SMG6: variants seen among roughly 807,000 people sequenced by gnomAD.
SMG6 encodes SMG6 nonsense mediated mRNA decay factor.
A neutral mutation model predicts 142.2 loss-of-function variants in SMG6; 66 were observed. The ratio of observed to expected loss-of-function variants is 0.46; its 90% CI spans 0.38 to 0.57. SMG6 has a LOEUF of 0.57. SMG6 is among the 20% of genes least tolerant of loss of function. The probability of loss-of-function intolerance (pLI) is 0.00; values close to 1 mark genes in which losing one functional copy is unlikely to be tolerated. For synonymous variants in SMG6, 779 were observed against 702.4 expected (o/e 1.11, Z -1.72); for missense variants, 1,793 against 1,832.0 (o/e 0.98, Z 0.39).
chr17:2,299,401 G>T lies in SMG6; in HGVS notation c.1352C>A (p.Thr451Asn). Residue 451 changes from threonine to asparagine, a missense_variant, in exon 2 of 19, where the codon ACC becomes AAC. Thr to Asn is a moderately conservative substitution (Grantham distance 65). This residue lies in a region of SMG6 where 1,597 missense variants were observed against 1,584.6 expected (regional missense o/e 1.01). Coordinates refer to ENST00000263073, the MANE Select transcript of SMG6 (RefSeq NM_017575.5). The surrounding 1 kb of genome is among the most constrained non-coding windows in gnomAD (Gnocchi z 4.3). ...GTTTGGGTCCCACAATCGGCGTGTG[G>T]TGCCTCCACGGCCCCAACTCCGAGA... ...KGSRSWGRGG[T>N]TRRLWDPNNP... 1 of 1,613,832 alleles carries T rather than the reference G, an allele frequency of 6.2e-7. No homozygotes were observed. The highest frequency in any genetic ancestry group is 8.5e-7 in the Non-Finnish European group (1 of 1,180,010).
rs1203558797 is a variant in SMG6 at position 2,299,948 on chromosome 17, C to T, written c.805G>A (p.Glu269Lys). The T allele has an allele frequency of 2.5e-6, 4 of 1,614,168 alleles. No individual in the cohort carries two copies. Among genetic ancestry groups the T allele is most frequent in the East Asian group, 4.5e-5 (2 of 44,884 alleles). The change falls in exon 2 of 19, where the codon GAG (glutamate) becomes AAG (lysine). Residue 269 changes from glutamate to lysine, a missense_variant. Coordinates refer to ENST00000263073, the MANE Select transcript of SMG6 (RefSeq NM_017575.5). The surrounding 1 kb of genome is among the most constrained non-coding windows in gnomAD (Gnocchi z 4.3). ...CCATTATCCGTCAGGCCAGCTCCCT[C>T]AGCGCTGTTGTTGCTGCCAGCTGAG... ...TSSAGSNNSA[E>K]GAGLTDNGCR...
intron 13 of SMG6, among the ~76,000 whole-genome samples, chr17:2,162,561 G>A (rs2071216169): frequency 6.7e-6 from 1 of 150,336 alleles, no homozygotes; most frequent in Non-Finnish European, 1.5e-5. Flanking sequence ...TGGACATGGT[G>A]GTTTGTACCT....
chr17:2,070,973 G>A lies in SMG6; in HGVS notation c.3682-2042C>T, dbSNP rs775957021. Among the ~76,000 whole-genome samples, 19 of 152,302 alleles carry A rather than the reference G, an allele frequency of 1.2e-4. No individual in the cohort carries two copies. In the South Asian group the frequency reaches 1.5e-3, roughly 12 times the overall value. On this transcript the variant is annotated intron_variant, in intron 15 of 18. Coordinates refer to ENST00000263073, the MANE Select transcript of SMG6 (RefSeq NM_017575.5). ...CTTGCGGAGGAGCATCAGCACTCTC[G>A]TTCCTCATTTCTCAGGCCATGCGCT...
rs772512575 is a variant in SMG6 at position 2,061,524 on chromosome 17, G to T, written c.4228C>A (p.Pro1410Thr). The change falls in exon 19 of 19, where the codon CCA (proline) becomes ACA (threonine). Residue 1410 changes from proline to threonine, a missense_variant. By Grantham distance (38) the Pro-to-Thr change is conservative (BLOSUM62 -1). Coordinates refer to ENST00000263073, the MANE Select transcript of SMG6 (RefSeq NM_017575.5). ...ACCTGGGCCCACGTGAGGAAGGCTG[G>T]GATGTCCCGTACAGGAACATTCCTT... ...LTRNVPVRDI[P>T]AFLTWAQVG 2 of 1,575,244 alleles carry T rather than the reference G, an allele frequency of 1.3e-6. No individual in the cohort carries two copies. The highest frequency in any genetic ancestry group is 1.7e-6 in the Non-Finnish European group (2 of 1,160,348).
intron 8 of SMG6, among the ~76,000 whole-genome samples, chr17:2,268,327 A>T (rs2074468461): frequency 6.6e-6 from 1 of 152,216 alleles, no homozygotes; most frequent in Admixed American, 6.5e-5. Flanking sequence ...GTCTAAGGAA[A>T]CCTTATAAAA....
intron 13 of SMG6, among the ~76,000 whole-genome samples, chr17:2,166,023 C>T (rs763765835): frequency 4.6e-5 from 7 of 152,074 alleles, no homozygotes; most frequent in Non-Finnish European, 8.8e-5. Context: ...ACCAGCCTGG[C>T]CGACATAGCA....
chr17:2,170,109 G>A lies in SMG6; in HGVS notation c.3357+2549C>T, dbSNP rs563999248. On this transcript the variant is annotated intron_variant, in intron 13 of 18. Coordinates refer to ENST00000263073, the MANE Select transcript of SMG6 (RefSeq NM_017575.5). Reference sequence around the variant, plus strand: ...AAGGAAGACCAGGTTGGCGGGCAGCGGGTGGGGCAGGATTCAGGAGTTTGG... The same window carrying A: ...AAGGAAGACCAGGTTGGCGGGCAGCAGGTGGGGCAGGATTCAGGAGTTTGG... 2.0e-4 allele frequency among the ~76,000 whole-genome samples: 30 copies of A among 152,294 alleles called. No individual in the cohort carries two copies. In the South Asian group the frequency reaches 4.6e-3, roughly 23 times the overall value.
rs968190037 is a variant in SMG6, at chr17:2,133,037, G to A, written c.3357+39621C>T. On this transcript the variant is annotated intron_variant, in intron 13 of 18. Coordinates refer to ENST00000263073, the MANE Select transcript of SMG6 (RefSeq NM_017575.5). ...AGGTGGGTGGATTACTTGAGGCCAG[G>A]AGTTTGAGACCAGCCTGGTCAACAT... Among the ~76,000 whole-genome samples the A allele has an allele frequency of 2.6e-5, 4 of 152,150 alleles. No individual in the cohort carries two copies. In the South Asian group the frequency reaches 6.2e-4, roughly 24 times the overall value.
At chr17:2,201,310 C>T (rs2072513622) in intron 10 of SMG6, among the ~76,000 whole-genome samples, 1 of 152,194 alleles carries the variant, frequency 6.6e-6, no homozygotes, top group Admixed American at 6.6e-5. Flanking sequence ...CCATACCCAA[C>T]AGCATGGCAA....
At chr17:2,137,934 C>G (rs1159057735) in intron 13 of SMG6, among the ~76,000 whole-genome samples, 1 of 152,164 alleles carries the variant, frequency 6.6e-6, no homozygotes, top group African/African-American at 2.4e-5. Flanking sequence ...CTTCCTCACA[C>G]AGCCCTCATA....
At chr17:2,207,147 G>A (rs902202213) in intron 10 of SMG6, among the ~76,000 whole-genome samples, 1 of 147,048 alleles carries the variant, frequency 6.8e-6, no homozygotes, top group Non-Finnish European at 1.5e-5. Context: ...AAAATAGCAG[G>A]CATGGTGGTA....
chr17:2,166,861 A>G (rs1382315814), intron 13 of SMG6, among the ~76,000 whole-genome samples: 2 of 152,194 alleles, frequency 1.3e-5, no homozygotes, highest in Non-Finnish European at 2.9e-5. Context: ...ACAGTGGCTC[A>G]TGCCTGTAAT....
chr17:2,099,484 C>T (rs747952415), intron 13 of SMG6, among the ~76,000 whole-genome samples: 5 of 151,262 alleles, frequency 3.3e-5, no homozygotes, highest in Non-Finnish European at 5.9e-5. Flanking sequence ...TGATGTCATG[C>T]TTTGAAAAAA....
chr17:2,081,969 G>A lies in SMG6; in HGVS notation c.3535-13C>T. The A allele has an allele frequency of 6.2e-7, 1 of 1,613,988 alleles. No individual in the cohort carries two copies. The highest frequency in any genetic ancestry group is 2.2e-5 in the East Asian group (1 of 44,880). ...CCACATCCTCCTCCTTTGGGTGGTG[G>A]AGCCGACCAGGACAAAGAGGAGACA... On this transcript the variant is annotated splice_polypyrimidine_tract_variant and intron_variant, in intron 14 of 18. Coordinates refer to ENST00000263073, the MANE Select transcript of SMG6 (RefSeq NM_017575.5).
chr17:2,193,866 C>T (rs956956398), intron 10 of SMG6, among the ~76,000 whole-genome samples: 1 of 152,154 alleles, frequency 6.6e-6, no homozygotes, highest in Non-Finnish European at 1.5e-5. Flanking sequence ...CTCACTCTGT[C>T]GTCTAGACTG....
intron 8 of SMG6, among the ~76,000 whole-genome samples, chr17:2,272,720 T>C (rs573349050): frequency 7.2e-5 from 11 of 151,800 alleles, no homozygotes; most frequent in African/African-American, 2.4e-4. Flanking sequence ...AGGCGGATCA[T>C]GAGGTCAAGA....
chr17:2,235,133 T>G (rs2073612999), intron 10 of SMG6, among the ~76,000 whole-genome samples: 1 of 152,188 alleles, frequency 6.6e-6, no homozygotes, highest in Non-Finnish European at 1.5e-5. Flanking sequence ...TTTACAAACT[T>G]TGTTCTCTTC....
intron 11 of SMG6, among the ~76,000 whole-genome samples, chr17:2,187,718 AAAT>A (rs2072034264): frequency 6.6e-6 from 1 of 152,132 alleles, no homozygotes; most frequent in Non-Finnish European, 1.5e-5. Flanking sequence ...AGTTACTTCA[AAAT>A]AAAAAGTTGC....
intron 18 of SMG6, 155 bp from the exon 19 acceptor site, chr17:2,061,777 G>C (rs1219544856): frequency 1.3e-5 from 11 of 871,552 alleles, no homozygotes; most frequent in East Asian, 8.2e-5. Context: ...CGGGCTCTCA[G>C]CCCCGGGGAC....
Sources: allele counts gnomAD v4.1 joint callset (sites outside exome capture counted in the v4.1 genomes callset), GRCh38; gene constraint gnomAD v4.1.1; regional missense constraint gnomAD v4.1.1; non-coding constraint Gnocchi (gnomAD v3.1); transcripts MANE v1.5; gene names NCBI Gene and HGNC (gene_info 2026-07-23, HGNC 2026-07-21).